DNAJC10: variants seen among roughly 807,000 people sequenced by gnomAD.
DNAJC10 encodes the protein DnaJ heat shock protein family (Hsp40) member C10, also known as endoplasmic reticulum disulfide reductase DNAJC10.
In DNAJC10, 101 loss-of-function variants were observed where a neutral mutation model predicts 115.0. The ratio of observed to expected loss-of-function variants is 0.88; its 90% confidence interval spans 0.75 to 1.04. The LOEUF (loss-of-function observed/expected upper bound fraction) is 1.04, where lower values mean the gene tolerates loss of function less well. Ranked by LOEUF, DNAJC10 falls within the 50% of genes least tolerant of loss-of-function variation. The pLI is 0.00. For missense variants in DNAJC10, 981 were observed against 928.8 expected, an observed-to-expected ratio of 1.06 and a Z score of -0.73; for synonymous variants, 307 against 301.5, an observed-to-expected ratio of 1.02 and a Z score of -0.19.
At chr2:182,757,341 A>C (rs903750006) in intron 18 of DNAJC10, among the ~76,000 whole-genome samples, 4 of 152,208 alleles carry the variant, frequency 2.6e-5, no homozygotes, top group African/African-American at 9.6e-5. Flanking sequence ...AACACATTAG[A>C]CACCTACAAA....
At chr2:182,721,971 C>A in intron 4 of DNAJC10, 54 bp from the exon 5 acceptor site, 1 of 1,005,360 alleles carries the variant, frequency 9.9e-7, no homozygotes, top group South Asian at 1.7e-5. Context: ...TTTTATGTTG[C>A]AATTTATATG....
At chr2:182,718,909 T>G (rs1007967246) in intron 3 of DNAJC10, among the ~76,000 whole-genome samples, 1 of 152,144 alleles carries the variant, frequency 6.6e-6, no homozygotes, top group Admixed American at 6.5e-5. Flanking sequence ...AGATTTAGCG[T>G]TCATCATTAA....
intron 18 of DNAJC10, 24 bp from the exon 19 acceptor site, chr2:182,757,668 G>A: frequency 6.8e-7 from 1 of 1,477,242 alleles, no homozygotes; most frequent in East Asian, 2.4e-5. Context: ...AAGTTATGGA[G>A]GTAATCTGTT....
At chr2:182,747,598 G>A (rs1693901975) in intron 14 of DNAJC10, among the ~76,000 whole-genome samples, 1 of 152,034 alleles carries the variant, frequency 6.6e-6, no homozygotes, top group African/African-American at 2.4e-5. Context: ...AGACTTTGCT[G>A]AAGTTGTTTA....
Position 182,787,665 on chromosome 2 carries a change from ACTC to A in DNAJC10, c.*10535_*10537del, listed in dbSNP as rs1694972935. The A allele has an allele frequency of 1.3e-5, 2 of 152,250 alleles. No homozygotes were observed. Among genetic ancestry groups the A allele is most frequent in the South Asian group, 4.1e-4 (2 of 4,822 alleles). 9.4% of individuals were successfully genotyped at this position (152,250 alleles called of 1,614,324 possible). On this transcript the variant is annotated 3_prime_UTR_variant, in exon 24 of 24. Coordinates refer to ENST00000264065, the MANE Select transcript of DNAJC10 (RefSeq NM_018981.4). ...CCAGGTGCGGTGGCTCACACCTGTAACTCCAGCACTTTGGAAGGCCCAGGCAGA... is the reference window on the plus strand; with the variant it reads ...CCAGGTGCGGTGGCTCACACCTGTAACAGCACTTTGGAAGGCCCAGGCAGA...
chr2:182,723,887 T>G (rs971096107), intron 5 of DNAJC10, among the ~76,000 whole-genome samples: 2 of 152,196 alleles, frequency 1.3e-5, no homozygotes, highest in African/African-American at 2.4e-5. Flanking sequence ...ACTTCAGAGA[T>G]AATTCATAAA....
intron 21 of DNAJC10, among the ~76,000 whole-genome samples, chr2:182,762,438 T>C (rs561606092): frequency 6.6e-6 from 1 of 152,188 alleles, no homozygotes; most frequent in Admixed American, 6.6e-5. Context: ...AGTTGAGACA[T>C]TGCAGGATAA....
chr2:182,754,816 G>A, intron 16 of DNAJC10, 187 bp from the exon 17 acceptor site: 2 of 1,352,594 alleles, frequency 1.5e-6, no homozygotes, highest in Non-Finnish European at 1.9e-6. Context: ...GTATTCATCA[G>A]TATTTAGCAG....
At position 182,717,985 on chromosome 2, in the gene DNAJC10, GAAGTA is replaced by G; in HGVS notation, c.-100_-96del. The G allele has an allele frequency of 1.3e-6, 1 of 745,518 alleles. No homozygotes were observed. Among genetic ancestry groups the G allele is most frequent in the Non-Finnish European group, 2.1e-6 (1 of 476,530 alleles). 46.2% of individuals were successfully genotyped at this position (745,518 alleles called of 1,614,324 possible). A position where few individuals can be genotyped will look rare whatever the true frequency, so the allele number is the denominator to read the frequency against. ...GATTTGTGATGCTTGATTCACCCTTGAAGTAATGTAGACAGAAGTTCTCAAATTTG... is the reference window on the plus strand; with the variant it reads ...GATTTGTGATGCTTGATTCACCCTTGATGTAGACAGAAGTTCTCAAATTTG... On this transcript the variant is annotated 5_prime_UTR_variant, in exon 3 of 24. In the 5' UTR this introduces an upstream ATG that the reference lacks. Coordinates refer to ENST00000264065, the MANE Select transcript of DNAJC10 (RefSeq NM_018981.4).
chr2:182,764,226 A>G (rs982849689), intron 22 of DNAJC10, among the ~76,000 whole-genome samples: 6 of 152,146 alleles, frequency 3.9e-5, no homozygotes, highest in Non-Finnish European at 8.8e-5. Context: ...AAGTGGCTTC[A>G]AGGGTCTCTA....
chr2:182,733,963 C>T (rs1459174137), intron 10 of DNAJC10, among the ~76,000 whole-genome samples: 1 of 150,952 alleles, frequency 6.6e-6, no homozygotes, highest in Non-Finnish European at 1.5e-5. Flanking sequence ...TAGTGATGTT[C>T]TTTCTTACTT....
At chr2:182,746,578 G>A (rs1417729697) in intron 14 of DNAJC10, among the ~76,000 whole-genome samples, 5 of 151,588 alleles carry the variant, frequency 3.3e-5, no homozygotes, top group African/African-American at 1.2e-4. Context: ...TTTTGATGGG[G>A]TTGTTTTTTT....
rs751804607 is a variant in DNAJC10, at chr2:182,777,438, C to T, written c.*306C>T. On this transcript the variant is annotated 3_prime_UTR_variant, in exon 24 of 24. Transcript: ENST00000264065. Reference sequence around the variant, plus strand: ...TAACAACCTTTAAAAAATATTAAAACGATTCTTAGCTCAGAGCCATACAAA... The same window carrying T: ...TAACAACCTTTAAAAAATATTAAAATGATTCTTAGCTCAGAGCCATACAAA... 4 of 189,542 alleles carry T rather than the reference C, an allele frequency of 2.1e-5. No individual in the cohort carries two copies. Among genetic ancestry groups the T allele is most frequent in the African/African-American group, 4.6e-5 (2 of 43,220 alleles). The allele number at this position is 189,542 out of a possible 1,614,324, so 11.7% of individuals were successfully genotyped here. A position where few individuals can be genotyped will look rare whatever the true frequency, so the allele number is the denominator to read the frequency against.
intron 22 of DNAJC10, among the ~76,000 whole-genome samples, chr2:182,764,032 C>G (rs1042676534): frequency 6.6e-6 from 1 of 152,114 alleles, no homozygotes; most frequent in East Asian, 1.9e-4. Flanking sequence ...TCAATTTACA[C>G]TCAAGAGTGG....
At chr2:182,753,775 G>T (rs1377648182) in intron 16 of DNAJC10, among the ~76,000 whole-genome samples, 3 of 151,604 alleles carry the variant, frequency 2.0e-5, no homozygotes, top group Non-Finnish European at 4.4e-5. Flanking sequence ...GTAGAGATGG[G>T]GTTTTACAGT....
At chr2:182,717,421 G>C (rs2105598015) in intron 2 of DNAJC10, among the ~76,000 whole-genome samples, 1 of 152,290 alleles carries the variant, frequency 6.6e-6, no homozygotes, top group Non-Finnish European at 1.5e-5. Flanking sequence ...ATCGACTGCT[G>C]TGTAGATTGT....
At chr2:182,746,705 C>A (rs562196306) in intron 14 of DNAJC10, among the ~76,000 whole-genome samples, 1 of 152,124 alleles carries the variant, frequency 6.6e-6, no homozygotes, top group East Asian at 1.9e-4. Context: ...ATGGTACTTT[C>A]TTTTGCTGTG....
chr2:182,775,498 G>A, intron 23 of DNAJC10, 78 bp downstream of exon 23: 1 of 771,972 alleles, frequency 1.3e-6, no homozygotes, highest in Non-Finnish European at 2.2e-6. Context: ...TACATTACAT[G>A]CATCCAGAGA....
In DNAJC10 at chr2:182,751,674, T is replaced by C. The variant is rs1053056455; in HGVS notation, c.1323T>C (p.Tyr441=). The C allele has an allele frequency of 2.5e-6, 4 of 1,613,732 alleles. No individual in the cohort carries two copies. The highest frequency in any genetic ancestry group is 1.7e-6 in the Non-Finnish European group (2 of 1,179,860). ...YEIHHGKKIL[Y]DILAFAKESV... is the part of the protein sequence containing the mutation. ...CTTTGAAAGGAAAGAAGATTCTATA[T>C]GATATACTTGCCTTTGCCAAAGAAA... Residue 441 remains tyrosine, a synonymous_variant, in exon 15 of 24, where the codon TAT becomes TAC. Transcript: ENST00000264065.
Sources: allele counts gnomAD v4.1 joint callset (sites outside exome capture counted in the v4.1 genomes callset), GRCh38; gene constraint gnomAD v4.1.1; transcripts MANE v1.5; gene names NCBI Gene and HGNC (gene_info 2026-07-23, HGNC 2026-07-21).